The following SVIL variants were observed in gnomAD, a reference collection of about 807,000 sequenced individuals.
SVIL encodes the protein archvillin.
SVIL carries 101 observed loss-of-function variants against 240.4 expected under a neutral mutation model. The ratio of observed to expected loss-of-function variants is 0.42; its 90% confidence interval spans 0.36 to 0.50. The LOEUF is 0.50. Ranked by LOEUF, SVIL falls within the 20% of genes least tolerant of loss-of-function variation. SVIL has a pLI of 0.01. For synonymous variants in SVIL, 999 were observed against 1,100.0 expected (o/e 0.91, Z 1.82); for missense variants, 2,512 against 2,818.7 (o/e 0.89, Z 2.46).
chr10:29,501,749 G>A (rs1402396744), intron 17 of SVIL, among the ~76,000 whole-genome samples: 1 of 152,074 alleles, frequency 6.6e-6, no homozygotes, highest in Non-Finnish European at 1.5e-5. Flanking sequence ...AAGAGAATAC[G>A]TTTTCTTTGA....
upstream of SVIL, chr10:29,735,844 C>G (rs964714071): frequency 3.9e-5 from 6 of 152,312 alleles, no homozygotes; most frequent in African/African-American, 1.4e-4. The surrounding 1 kb of genome is among the most constrained non-coding windows in gnomAD (Gnocchi z 4.1). Flanking sequence ...GCCGCGGCCA[C>G]GCCCCGCCTC....
At chr10:29,531,744 T>G (rs1005851726) in intron 9 of SVIL, among the ~76,000 whole-genome samples, 2 of 152,214 alleles carry the variant, frequency 1.3e-5, no homozygotes, top group Non-Finnish European at 2.9e-5. Flanking sequence ...AACCATTAAA[T>G]AAAGAAAAAT....
chr10:29,665,320 T>C (rs1441653777), intron 2 of SVIL, among the ~76,000 whole-genome samples: 1 of 151,892 alleles, frequency 6.6e-6, no homozygotes, highest in Non-Finnish European at 1.5e-5. Context: ...TCAAGATATG[T>C]TGATCCCTCT....
At chr10:29,474,459 G>A (rs1264684051) in intron 29 of SVIL, among the ~76,000 whole-genome samples, 1 of 152,132 alleles carries the variant, frequency 6.6e-6, no homozygotes, top group Non-Finnish European at 1.5e-5. Context: ...GCCTGGTGTG[G>A]TGTTGCACAC....
intron 1 of SVIL, among the ~76,000 whole-genome samples, chr10:29,705,773 C>G (rs1962847534): frequency 1.3e-5 from 2 of 152,100 alleles, no homozygotes; most frequent in African/African-American, 4.8e-5. Context: ...TTGCTGAGGA[C>G]GATGGCTTCT....
At chr10:29,660,259 C>T (rs1317580990) in intron 2 of SVIL, among the ~76,000 whole-genome samples, 2 of 152,002 alleles carry the variant, frequency 1.3e-5, no homozygotes, top group Non-Finnish European at 2.9e-5. Context: ...CAGTGAGCTA[C>T]GATTGTACCA....
intron 1 of SVIL, among the ~76,000 whole-genome samples, chr10:29,619,157 C>T (rs558894771): frequency 3.3e-5 from 5 of 151,964 alleles, no homozygotes; most frequent in African/African-American, 4.8e-5. Flanking sequence ...AGTCATTATG[C>T]GCAAAAAAAA....
intron 16 of SVIL, among the ~76,000 whole-genome samples, chr10:29,519,570 A>G (rs1210999849): frequency 6.6e-6 from 1 of 152,246 alleles, no homozygotes; most frequent in African/African-American, 2.4e-5. Context: ...AAAAGCTATC[A>G]TGGATGAATT....
Position 29,535,970 on chromosome 10 carries a change from A to AG in SVIL, c.908+18dup. ...CAACACTCATGCACACAAGCCCCAG[A>AG]GGGCCGGCGTGCGGGTACCTGGAAG... On this transcript the variant is annotated intron_variant, in intron 7 of 37. Transcript: ENST00000355867. 1 of 1,613,792 alleles carries AG rather than the reference A, an allele frequency of 6.2e-7. No homozygotes were observed. Among genetic ancestry groups the AG allele is most frequent in the Non-Finnish European group, 8.5e-7 (1 of 1,179,826 alleles).
At chr10:29,578,357 G>A (rs1955793630) in intron 1 of SVIL, among the ~76,000 whole-genome samples, 1 of 152,148 alleles carries the variant, frequency 6.6e-6, no homozygotes, top group Admixed American at 6.5e-5. Flanking sequence ...CCAAAGCTTA[G>A]ACATAGGCTA....
At chr10:29,681,829 C>T (rs968179068) in intron 2 of SVIL, among the ~76,000 whole-genome samples, 7 of 151,742 alleles carry the variant, frequency 4.6e-5, no homozygotes, top group South Asian at 2.1e-4. Context: ...GCTTCCTTGT[C>T]GCATTTGTTT....
At chr10:29,652,420 A>C (rs1489210240) in intron 3 of SVIL, among the ~76,000 whole-genome samples, 1 of 152,184 alleles carries the variant, frequency 6.6e-6, no homozygotes. Flanking sequence ...TACTGTATGG[A>C]TATACCACAT....
At chr10:29,586,892 A>C (rs1956189297) in intron 1 of SVIL, among the ~76,000 whole-genome samples, 1 of 152,128 alleles carries the variant, frequency 6.6e-6, no homozygotes, top group South Asian at 2.1e-4. Flanking sequence ...GGCCTTTCGC[A>C]GGGTGGAGGG....
Position 29,550,976 on chromosome 10 carries a change from C to T in SVIL, c.448G>A (p.Gly150Arg). The T allele has an allele frequency of 6.2e-7, 1 of 1,614,124 alleles. No homozygotes were observed. Among genetic ancestry groups the T allele is most frequent in the Non-Finnish European group, 8.5e-7 (1 of 1,180,018 alleles). Reference protein sequence around the residue: ...RKEPDAVEKRGGKSDKQEESS... With the variant: ...RKEPDAVEKRRGKSDKQEESS... ...TCTTCCTGTTTGTCACTTTTTCCTC[C>T]CCGCTTCTCGACAGCATCAGGCTCC... Residue 150 changes from glycine (G) to arginine (R), a missense_variant, in exon 6 of 38, where the codon GGA (glycine) becomes AGA (arginine). Gly to Arg is a moderately radical substitution (Grantham distance 125). Around this residue, in one of 3 missense-constraint regions of SVIL, gnomAD observed 1,443 missense variants for 1,486.6 expected, o/e 0.97. Coordinates refer to ENST00000355867, the MANE Select transcript of SVIL (RefSeq NM_021738.3).
chr10:29,478,570 G>C (rs967557607), intron 29 of SVIL, among the ~76,000 whole-genome samples: 1 of 152,146 alleles, frequency 6.6e-6, no homozygotes, highest in Non-Finnish European at 1.5e-5. Context: ...TAGGGTCCCA[G>C]CACCTGTGGC....
At chr10:29,677,356 T>C (rs1407952429) in intron 2 of SVIL, among the ~76,000 whole-genome samples, 1 of 152,064 alleles carries the variant, frequency 6.6e-6, no homozygotes, top group Admixed American at 6.5e-5. Flanking sequence ...AAAGAAAAAA[T>C]TCTGCCAAGA....
chr10:29,689,628 A>G (rs946492410), intron 1 of SVIL, among the ~76,000 whole-genome samples: 10 of 152,334 alleles, frequency 6.6e-5, no homozygotes, highest in Admixed American at 2.0e-4. Flanking sequence ...TCATACACAC[A>G]GGTCAGGGAG....
chr10:29,632,187 A>G (rs974993729), intron 1 of SVIL, among the ~76,000 whole-genome samples: 3 of 151,926 alleles, frequency 2.0e-5, no homozygotes, highest in African/African-American at 7.3e-5. Context: ...CAATTCCTCA[A>G]CTGTAGAATA....
chr10:29,551,607 A>G (rs1422943040), intron 5 of SVIL, among the ~76,000 whole-genome samples: 1 of 152,152 alleles, frequency 6.6e-6, no homozygotes, highest in Non-Finnish European at 1.5e-5. Context: ...GGAGTTCAGT[A>G]TTTCACGTGG....
Sources: allele counts gnomAD v4.1 joint callset (sites outside exome capture counted in the v4.1 genomes callset), GRCh38; gene constraint gnomAD v4.1.1; regional missense constraint gnomAD v4.1.1; non-coding constraint Gnocchi (gnomAD v3.1); transcripts MANE v1.5; gene names NCBI Gene and HGNC (gene_info 2026-07-23, HGNC 2026-07-21).